LMNB1: variants seen among roughly 807,000 people sequenced by gnomAD.
LMNB1 encodes the protein lamin B1.
LMNB1 carries 23 observed loss-of-function variants against 67.1 expected under a neutral mutation model. The ratio of observed to expected loss-of-function variants is 0.34; its 90% CI spans 0.25 to 0.49. LMNB1 has a LOEUF of 0.49. Ranked by LOEUF, LMNB1 falls within the 20% of genes least tolerant of loss-of-function variation. The pLI, the probability that LMNB1 is intolerant of heterozygous loss-of-function variation, is 0.99. For missense variants in LMNB1, 634 were observed against 746.5 expected, an observed-to-expected ratio of 0.85 and a Z score of 1.76; for synonymous variants, 281 against 282.9, an observed-to-expected ratio of 0.99 and a Z score of 0.07.
At chr5:126,821,948 GGAGCACTAAT>G (rs1161064269) in intron 7 of LMNB1, among the ~76,000 whole-genome samples, 3 of 151,928 alleles carry the variant, frequency 2.0e-5, no homozygotes, top group African/African-American at 7.3e-5. Flanking sequence ...GATGAGTGAA[GGAGCACTAAT>G]GAGCACCAAC....
At chr5:126,810,377 G>C (rs376495277) in intron 4 of LMNB1, 27 bp downstream of exon 4, 1 of 1,546,210 alleles carries the variant, frequency 6.5e-7, no homozygotes, top group Non-Finnish European at 8.9e-7. Context: ...AGATTCTTTT[G>C]AACACTTAAA....
intron 9 of LMNB1, among the ~76,000 whole-genome samples, chr5:126,830,154 G>C (rs1039213562): frequency 6.6e-6 from 1 of 152,192 alleles, no homozygotes; most frequent in Non-Finnish European, 1.5e-5. Flanking sequence ...TCCTACTGTG[G>C]CTGATGCCAG....
chr5:126,786,314 G>A lies in LMNB1; in HGVS notation c.359+8447G>A, dbSNP rs113750332. 7.0e-3 allele frequency among the ~76,000 whole-genome samples: 1,060 copies of A among 151,882 alleles called. 10 individuals carry two copies. The highest frequency in any genetic ancestry group is 0.024 in the African/African-American group (1,011 of 41,470). Reference sequence around the variant, plus strand: ...ATTTTTTGTATTTTTTAGTAGAGACGGGGTTTCACTGTTAGCCAGGATGGT... The same window carrying A: ...ATTTTTTGTATTTTTTAGTAGAGACAGGGTTTCACTGTTAGCCAGGATGGT... On this transcript the variant is annotated intron_variant, in intron 1 of 10. Coordinates refer to ENST00000261366, the MANE Select transcript of LMNB1 (RefSeq NM_005573.4).
chr5:126,810,369 A>T lies in LMNB1; in HGVS notation c.813+19A>T. On this transcript the variant is annotated intron_variant, in intron 4 of 10. Transcript: ENST00000261366. Reference sequence around the variant, plus strand: ...TGCCAAAGTGAGCTCTCTTCAGAAGATTCTTTTGAACACTTAAAATCATTA... The same window carrying T: ...TGCCAAAGTGAGCTCTCTTCAGAAGTTTCTTTTGAACACTTAAAATCATTA... 1 of 1,563,982 alleles carries T rather than the reference A, an allele frequency of 6.4e-7. No homozygotes were observed. The highest frequency in any genetic ancestry group is 8.8e-7 in the Non-Finnish European group (1 of 1,141,910).
intron 9 of LMNB1, among the ~76,000 whole-genome samples, chr5:126,827,258 G>GA (rs1170766274): frequency 1.3e-5 from 2 of 152,166 alleles, no homozygotes; most frequent in Non-Finnish European, 2.9e-5. Context: ...GAATAAGCAG[G>GA]AAAAAAGCCA....
At chr5:126,802,791 T>C (rs1212143110) in intron 1 of LMNB1, among the ~76,000 whole-genome samples, 2 of 152,216 alleles carry the variant, frequency 1.3e-5, no homozygotes, top group African/African-American at 2.4e-5. Context: ...TTAATAATTA[T>C]TTGGATGAGA....
chr5:126,803,770 C>T (rs1378531606), intron 1 of LMNB1, among the ~76,000 whole-genome samples: 2 of 148,362 alleles, frequency 1.3e-5, no homozygotes, highest in East Asian at 2.0e-4. Flanking sequence ...AGGCTGGTCT[C>T]GAACTCCTGA....
chr5:126,787,546 A>ATATATATATATTTTTTTTTTTTT, intron 1 of LMNB1, among the ~76,000 whole-genome samples: 21 of 65,556 alleles, frequency 3.2e-4, no homozygotes, highest in Non-Finnish European at 5.2e-4. Context: ...ATATATATAT[A>ATATATATATATTTTTTTTTTTTT]TTTTTTTTTT....
chr5:126,826,386 C>G (rs1478966311), intron 9 of LMNB1, among the ~76,000 whole-genome samples: 1 of 152,194 alleles, frequency 6.6e-6, no homozygotes, highest in Non-Finnish European at 1.5e-5. Flanking sequence ...TACTTCACCT[C>G]TCTTAGATTT....
intron 8 of LMNB1, among the ~76,000 whole-genome samples, chr5:126,823,805 G>A (rs528174315): frequency 5.9e-5 from 9 of 152,034 alleles, no homozygotes; most frequent in South Asian, 2.1e-4. Flanking sequence ...GGTAAAAATG[G>A]GATCAACTAT....
In LMNB1 at chr5:126,826,303, C is replaced by T. The variant is rs369530224; in HGVS notation, c.1611+196C>T. 1.6e-4 allele frequency among the ~76,000 whole-genome samples: 24 copies of T among 152,374 alleles called. No homozygotes were observed. In the East Asian group the frequency reaches 3.5e-3, roughly 22 times the overall value. On this transcript the variant is annotated intron_variant, in intron 9 of 10. Coordinates refer to ENST00000261366, the MANE Select transcript of LMNB1 (RefSeq NM_005573.4). The stretch of plus-strand genomic sequence containing the variant: ...TATTATAGAGTACTGATTATTAGCA[C>T]AGGCTCCAGAACAGATTTTCTGTGT...
At position 126,836,645 on chromosome 5, in the gene LMNB1, T is replaced by C. The variant is rs547636369; in HGVS notation, c.*381T>C. ...GATTGCCCCATCTAGACTAGCAATC[T>C]CTTCATTATTCTCTGCTATATATAA... On this transcript the variant is annotated 3_prime_UTR_variant, in exon 11 of 11. Transcript: ENST00000261366. 2.7e-6 allele frequency: 1 copy of C among 366,236 alleles called. No individual in the cohort carries two copies. The highest frequency in any genetic ancestry group is 4.8e-6 in the Non-Finnish European group (1 of 207,676). The allele number at this position is 366,236 out of a possible 1,614,324, so 22.7% of individuals were successfully genotyped here.
rs764595106 is a variant in LMNB1 at position 126,791,032 on chromosome 5, TAAATAAAC to T, written c.359+13181_359+13188del. ...GCGAAACTCTGTCTCAATAAATAAA[TAAATAAAC>T]AAATAAACAAATAAATAAATAAAAT... On this transcript the variant is annotated intron_variant, in intron 1 of 10. Transcript: ENST00000261366. Among the ~76,000 whole-genome samples, 236 of 152,064 alleles carry T rather than the reference TAAATAAAC, an allele frequency of 1.6e-3. 1 individual carries two copies. The highest frequency in any genetic ancestry group is 2.5e-3 in the African/African-American group (105 of 41,420).
chr5:126,819,290 A>G (rs1751802316), intron 6 of LMNB1, 148 bp downstream of exon 6: 3 of 577,326 alleles, frequency 5.2e-6, no homozygotes, highest in Non-Finnish European at 9.2e-6. Context: ...GTAATAGATC[A>G]TATTTCTACC....
chr5:126,787,546 A>ATATTTTTTTTTTTTTTTTTTTTTTT, intron 1 of LMNB1, among the ~76,000 whole-genome samples: 1 of 65,574 alleles, frequency 1.5e-5, no homozygotes, highest in Non-Finnish European at 2.7e-5. Context: ...ATATATATAT[A>ATATTTTTTTTTTTTTTTTTTTTTTT]TTTTTTTTTT....
intron 4 of LMNB1, 90 bp from the exon 5 acceptor site, chr5:126,811,683 A>G: frequency 8.1e-7 from 1 of 1,229,346 alleles, no homozygotes; most frequent in East Asian, 2.4e-5. Context: ...TACCAGCAGG[A>G]CTTAGGTTTG....
At chr5:126,780,355 A>T (rs965916869) in intron 1 of LMNB1, among the ~76,000 whole-genome samples, 1 of 152,188 alleles carries the variant, frequency 6.6e-6, no homozygotes, top group African/African-American at 2.4e-5. Flanking sequence ...CTTTTGTCTG[A>T]TGTGAAGCAT....
intron 1 of LMNB1, among the ~76,000 whole-genome samples, chr5:126,779,480 C>G (rs931926506): frequency 2.6e-5 from 4 of 152,194 alleles, no homozygotes; most frequent in Admixed American, 6.5e-5. Flanking sequence ...TCCTTCAAAT[C>G]TTAGATATCG....
chr5:126,794,144 C>G (rs1413146128), intron 1 of LMNB1, among the ~76,000 whole-genome samples: 1 of 152,144 alleles, frequency 6.6e-6, no homozygotes, highest in African/African-American at 2.4e-5. Context: ...AGTCTGGTCT[C>G]TAACTCCTGA....
Sources: gnomAD v4.1 joint callset for allele counts (sites outside exome capture counted in the v4.1 genomes callset) on GRCh38, gnomAD v4.1.1 for gene constraint, MANE v1.5 for transcripts, NCBI Gene and HGNC (gene_info 2026-07-23, HGNC 2026-07-21) for gene names.